SGCD: variants seen among roughly 807,000 people sequenced by gnomAD.
The protein encoded by SGCD is delta-sarcoglycan.
In SGCD, 18 loss-of-function variants were observed where a neutral mutation model predicts 36.6. That is an observed-to-expected ratio of 0.49 (90% CI 0.34 to 0.73). SGCD has a LOEUF of 0.73. Among genes scored for constraint, SGCD ranks in the 30% least tolerant of loss-of-function variants. The pLI, the probability that SGCD is intolerant of heterozygous loss-of-function variation, is 0.01. For synonymous variants in SGCD, 133 were observed against 130.6 expected (o/e 1.02, Z -0.12); for missense variants, 387 against 346.7 (o/e 1.12, Z -0.92).
At chr5:156,462,547 C>A (rs577472120) in intron 3 of SGCD, among the ~76,000 whole-genome samples, 1 of 152,186 alleles carries the variant, frequency 6.6e-6, no homozygotes, top group South Asian at 2.1e-4. Context: ...ACAAAGTATC[C>A]ATTTCACTGT....
chr5:156,005,538 C>T (rs946924188), intron 1 of SGCD, among the ~76,000 whole-genome samples: 30 of 152,122 alleles, frequency 2.0e-4, no homozygotes, highest in Non-Finnish European at 3.7e-4. Context: ...GCAAGCTCCA[C>T]CTCCCGGGTT....
chr5:156,548,620 AT>A (rs373974250), intron 4 of SGCD, among the ~76,000 whole-genome samples: 3,511 of 149,718 alleles, frequency 0.023, 41 homozygotes, highest in Non-Finnish European at 0.03. Flanking sequence ...CTTTCCGTGT[AT>A]TTTTTTTTTA....
rs1554085595 is a variant in SGCD, at chr5:156,229,277, C to CACATATATATATATATATATATATATAT, written c.-43-100256_-43-100255insCATATATATATATATATATATATATATA. On this transcript the variant is annotated intron_variant, in intron 3 of 9. Coordinates refer to the SGCD transcript ENST00000517913. ...ACATACATACATATATATATACATA[C>CACATATATATATATATATATATATATAT]ATATATATATATATATATATATAAA... Among the ~76,000 whole-genome samples the CACATATATATATATATATATATATATAT allele has an allele frequency of 6.1e-3, 346 of 56,352 alleles. 8 individuals carry two copies. Among genetic ancestry groups the CACATATATATATATATATATATATATAT allele is most frequent in the Non-Finnish European group, 7.6e-3 (230 of 30,358 alleles). The allele number at this position is 56,352 out of a possible 152,430, so 37.0% of individuals were successfully genotyped here.
At chr5:156,529,492 T>C (rs1410381713) in intron 4 of SGCD, among the ~76,000 whole-genome samples, 2 of 151,758 alleles carry the variant, frequency 1.3e-5, no homozygotes, top group African/African-American at 4.8e-5. Context: ...TTTGTTTTTC[T>C]TCACTCCTAT....
chr5:155,975,124 A>C (rs1758083220), intron 1 of SGCD, among the ~76,000 whole-genome samples: 1 of 152,216 alleles, frequency 6.6e-6, no homozygotes, highest in Admixed American at 6.5e-5. Flanking sequence ...AACCCTGAGA[A>C]CAAAAACATG....
chr5:156,203,358 G>A (rs557817226), intron 3 of SGCD, among the ~76,000 whole-genome samples: 86 of 152,116 alleles, frequency 5.7e-4, no homozygotes, highest in Non-Finnish European at 1.0e-3. Context: ...TATTGACTGC[G>A]CAAATAACAA....
rs1050886358 is a variant in SGCD, at chr5:156,492,433, G to A, written c.193-16168G>A. Among the ~76,000 whole-genome samples the A allele has an allele frequency of 2.6e-5, 4 of 151,916 alleles. No individual in the cohort carries two copies. In the East Asian group the frequency reaches 5.8e-4, roughly 22 times the overall value. The stretch of plus-strand genomic sequence containing the variant: ...GTCTAAGTCCAAATGCCTAAGACCC[G>A]CAAAAATCAATATTTCGATTCCAGT... On this transcript the variant is annotated intron_variant, in intron 3 of 8. Coordinates refer to ENST00000337851, the MANE Select transcript of SGCD (RefSeq NM_000337.6).
chr5:155,864,784 A>T, the SGCD span, among the ~76,000 whole-genome samples: 2 of 152,330 alleles, frequency 1.3e-5, no homozygotes, highest in Middle Eastern at 6.8e-3. Flanking sequence ...TAGTTTAGAA[A>T]ATATATGAGC....
Position 156,763,434 on chromosome 5 carries a change from G to C in SGCD, c.*4044G>C, listed in dbSNP as rs1689427722. 2 of 152,676 alleles carry C rather than the reference G, an allele frequency of 1.3e-5. No homozygotes were observed. Among genetic ancestry groups the C allele is most frequent in the South Asian group, 4.1e-4 (2 of 4,822 alleles). The allele number at this position is 152,676 out of a possible 1,614,324, so 9.5% of individuals were successfully genotyped here. ...CAAATAATTGGAAGTATTGGAAAAA[G>C]CAAAATACATGGGGACAAAAAAAAT... On this transcript the variant is annotated 3_prime_UTR_variant, in exon 9 of 9. Transcript: ENST00000337851.
the SGCD span, among the ~76,000 whole-genome samples, chr5:155,831,725 C>T: frequency 4.6e-5 from 7 of 152,294 alleles, no homozygotes; most frequent in East Asian, 1.9e-4. Flanking sequence ...GTACTGCAAT[C>T]GGGTCTGATC....
chr5:155,869,484 GTTA>G (rs1225419486), upstream of SGCD, among the ~76,000 whole-genome samples: 2 of 151,820 alleles, frequency 1.3e-5, no homozygotes, highest in African/African-American at 4.8e-5. Flanking sequence ...TAGGAACATT[GTTA>G]TTATACCCAT....
intron 1 of SGCD, among the ~76,000 whole-genome samples, chr5:156,110,177 C>T (rs1403701697): frequency 2.6e-5 from 4 of 152,146 alleles, no homozygotes; most frequent in African/African-American, 9.7e-5. Context: ...CTCAGCCCTG[C>T]TGCCTTGGAT....
chr5:156,395,799 C>T (rs1258590894), intron 3 of SGCD, among the ~76,000 whole-genome samples: 28 of 152,146 alleles, frequency 1.8e-4, no homozygotes, highest in Admixed American at 1.8e-3. Flanking sequence ...CTTTACGACC[C>T]TGCCCTACAG....
At chr5:156,363,023 A>G (rs1380557478) in intron 3 of SGCD, among the ~76,000 whole-genome samples, 1 of 151,820 alleles carries the variant, frequency 6.6e-6, no homozygotes, top group African/African-American at 2.4e-5. Context: ...GGTTTCTAAA[A>G]TCTATGATTT....
chr5:156,384,599 A>G (rs1418196719), intron 3 of SGCD, among the ~76,000 whole-genome samples: 7 of 152,222 alleles, frequency 4.6e-5, no homozygotes, highest in African/African-American at 1.2e-4. Context: ...GTTAAGTGCC[A>G]AGAGAGAATT....
intron 2 of SGCD, among the ~76,000 whole-genome samples, chr5:156,339,908 G>A (rs1483972214): frequency 6.6e-6 from 1 of 152,134 alleles, no homozygotes; most frequent in Non-Finnish European, 1.5e-5. Context: ...GTACTTTCTG[G>A]TTGTATAGCC....
chr5:156,745,729 T>G (rs1221959068), intron 7 of SGCD, among the ~76,000 whole-genome samples: 1 of 151,368 alleles, frequency 6.6e-6, no homozygotes, highest in African/African-American at 2.4e-5. Flanking sequence ...CATATAAAAA[T>G]AACACATTAG....
chr5:155,949,134 G>A (rs186012926), intron 1 of SGCD, among the ~76,000 whole-genome samples: 116 of 152,244 alleles, frequency 7.6e-4, no homozygotes, highest in Non-Finnish European at 1.2e-3. Context: ...GATACAGAAA[G>A]ACATCTAAGT....
At chr5:155,976,880 G>C (rs1268231055) in intron 1 of SGCD, among the ~76,000 whole-genome samples, 5 of 152,104 alleles carry the variant, frequency 3.3e-5, no homozygotes, top group Non-Finnish European at 5.9e-5. Flanking sequence ...TACCATCTGA[G>C]TTACCATTGT....
Sources: allele counts gnomAD v4.1 joint callset (sites outside exome capture counted in the v4.1 genomes callset), GRCh38; gene constraint gnomAD v4.1.1; transcripts MANE v1.5; gene names NCBI Gene and HGNC (gene_info 2026-07-23, HGNC 2026-07-21).